MTMR2: variants seen among roughly 807,000 people sequenced by gnomAD.
MTMR2 encodes the protein phosphatidylinositol-3,5-bisphosphate 3-phosphatase MTMR2.
Under a neutral mutation model 86.9 loss-of-function variants are expected in MTMR2, and 55 were observed. That is an observed-to-expected ratio of 0.63 (90% CI 0.51 to 0.79). The LOEUF (loss-of-function observed/expected upper bound fraction) is 0.79. MTMR2 is among the 30% of genes least tolerant of loss of function. The pLI is 0.00. For synonymous variants in MTMR2, 241 were observed against 266.8 expected, an observed-to-expected ratio of 0.90 and a Z score of 0.94; for missense variants, 659 against 772.3, an observed-to-expected ratio of 0.85 and a Z score of 1.74.
At chr11:95,899,557 C>A (rs2508714) in intron 1 of MTMR2, among the ~76,000 whole-genome samples, 152,130 of 152,130 alleles carry the variant, frequency 1, 76,065 homozygotes, top group Non-Finnish European at 1. Context: ...ATATGCTCCC[C>A]AATTATAGCC....
intron 1 of MTMR2, among the ~76,000 whole-genome samples, chr11:95,910,835 A>G (rs1354172820): frequency 6.6e-6 from 1 of 152,082 alleles, no homozygotes; most frequent in East Asian, 1.9e-4. Context: ...CTATAGTATC[A>G]TAAGCACTGT....
chr11:95,857,507 A>T, intron 7 of MTMR2, 45 bp downstream of exon 7: 1 of 1,411,648 alleles, frequency 7.1e-7, no homozygotes, highest in Non-Finnish European at 1.0e-6. Flanking sequence ...CTTTGGAATG[A>T]AAAGAATACA....
intron 2 of MTMR2, among the ~76,000 whole-genome samples, chr11:95,884,989 T>C (rs1865464925): frequency 6.6e-6 from 1 of 152,244 alleles, no homozygotes; most frequent in South Asian, 2.1e-4. Flanking sequence ...ATCTAACAGC[T>C]ATCTGCTTAT....
intron 2 of MTMR2, among the ~76,000 whole-genome samples, chr11:95,879,212 CGAA>C (rs1054306414): frequency 1.3e-4 from 20 of 151,916 alleles, no homozygotes; most frequent in Middle Eastern, 6.8e-3. Flanking sequence ...GCTGAAACCA[CGAA>C]GAAGAAAGAG....
chr11:95,878,632 G>T (rs1865211369), intron 2 of MTMR2, among the ~76,000 whole-genome samples: 1 of 151,886 alleles, frequency 6.6e-6, no homozygotes, highest in South Asian at 2.1e-4. Flanking sequence ...ATGCTTCCTT[G>T]ACTCTCATAT....
At chr11:95,882,274 C>G (rs966063504) in intron 2 of MTMR2, 1 of 151,418 alleles carries the variant, frequency 6.6e-6, no homozygotes, top group Non-Finnish European at 1.5e-5. Context: ...CCGAGGTGGG[C>G]GGATCATGAG....
chr11:95,883,883 C>A (rs1227792170), intron 2 of MTMR2, among the ~76,000 whole-genome samples: 1 of 152,134 alleles, frequency 6.6e-6, no homozygotes, highest in African/African-American at 2.4e-5. Flanking sequence ...AAAACCTACA[C>A]AATTTAACCT....
intron 2 of MTMR2, among the ~76,000 whole-genome samples, chr11:95,878,089 A>T (rs113617873): frequency 6.6e-6 from 1 of 150,966 alleles, no homozygotes; most frequent in Non-Finnish European, 1.5e-5. Context: ...GGTACGTCAT[A>T]CAAAGGAATA....
chr11:95,879,671 T>C (rs1005914961), intron 2 of MTMR2, among the ~76,000 whole-genome samples: 2 of 152,140 alleles, frequency 1.3e-5, no homozygotes, highest in African/African-American at 4.8e-5. Flanking sequence ...AATGTTCTTC[T>C]GTCCTTGGAT....
chr11:95,833,058 C>T lies in MTMR2; in HGVS notation c.*2232G>A, dbSNP rs1863093601. The stretch of plus-strand genomic sequence containing the variant: ...GATGTCAGAGAAGGCAGTCGTGAAT[C>T]AGATAACTTCCCAAAGGAAGAGATG... On this transcript the variant is annotated 3_prime_UTR_variant, in exon 15 of 15. Transcript: ENST00000346299. The T allele has an allele frequency of 6.6e-6, 1 of 152,220 alleles. No individual in the cohort carries two copies. The highest frequency in any genetic ancestry group is 2.1e-4 in the South Asian group (1 of 4,812). The allele number at this position is 152,220 out of a possible 1,614,324, so 9.4% of individuals were successfully genotyped here.
intron 1 of MTMR2, among the ~76,000 whole-genome samples, chr11:95,911,122 G>C (rs1367001780): frequency 6.6e-6 from 1 of 152,062 alleles, no homozygotes; most frequent in Non-Finnish European, 1.5e-5. Context: ...AGAAATAAGA[G>C]ACAACATGTT....
Position 95,850,729 on chromosome 11 carries a change from C to A in MTMR2, c.675G>T (p.Trp225Cys). ...ATCGTTCATTTATCTTTGTTATTCTCCAGCTTTCATTTGGAATTCCCTACA... is the reference window on the plus strand; with the variant it reads ...ATCGTTCATTTATCTTTGTTATTCTACAGCTTTCATTTGGAATTCCCTACA... Reference protein sequence around the residue: ...YRRQGIPNESWRITKINERYE... With the variant: ...YRRQGIPNESCRITKINERYE... Residue 225 changes from tryptophan to cysteine, a missense_variant, in exon 8 of 15, where the codon TGG (tryptophan) becomes TGT (cysteine). By Grantham distance (215) the Trp-to-Cys change is radical. Around this residue, in one of 3 missense-constraint regions of MTMR2, gnomAD observed 387 missense variants for 526.3 expected, o/e 0.74. Transcript: ENST00000346299. 6.2e-7 allele frequency: 1 copy of A among 1,613,914 alleles called. No individual in the cohort carries two copies. Among genetic ancestry groups the A allele is most frequent in the Non-Finnish European group, 8.5e-7 (1 of 1,179,870 alleles).
Position 95,923,932 on chromosome 11 carries a change from T to A in MTMR2, c.23A>T (p.Glu8Val). Residue 8 changes from glutamate to valine, a missense_variant, in exon 1 of 15, where the codon GAG becomes GTG. Physicochemically the swap from Glu to Val is moderately radical, Grantham distance 121 (BLOSUM62 -2). Around this residue, in one of 3 missense-constraint regions of MTMR2, gnomAD observed 79 missense variants for 54.4 expected, o/e 1.45. Transcript: ENST00000346299. ...CGCCGCCGGCTGGGAGCCAAGACTCTCGCAGCTCGAGCTCTTCTCCATCGC... is the reference window on the plus strand; with the variant it reads ...CGCCGCCGGCTGGGAGCCAAGACTCACGCAGCTCGAGCTCTTCTCCATCGC... Reference protein sequence around the residue: MEKSSSCESLGSQPAAAR... With the variant: MEKSSSCVSLGSQPAAAR... The A allele has an allele frequency of 6.4e-7, 1 of 1,561,280 alleles. No individual in the cohort carries two copies.
chr11:95,870,737 C>CTT (rs1300942795), intron 2 of MTMR2, among the ~76,000 whole-genome samples: 2 of 125,026 alleles, frequency 1.6e-5, no homozygotes, highest in Non-Finnish European at 1.8e-5. Flanking sequence ...TTTTCTTTTT[C>CTT]TTTTTTTTTT....
chr11:95,865,723 T>C, intron 2 of MTMR2, 47 bp from the exon 3 acceptor site: 1 of 1,489,256 alleles, frequency 6.7e-7, no homozygotes, highest in Non-Finnish European at 9.3e-7. Context: ...ATTCAAAGGC[T>C]ACTTTTTCAC....
chr11:95,913,020 CAAA>C (rs1219692856), intron 1 of MTMR2: 2 of 151,586 alleles, frequency 1.3e-5, no homozygotes, highest in Non-Finnish European at 2.9e-5. Context: ...ATCATGGATA[CAAA>C]AAAAAGTTTT....
intron 1 of MTMR2, among the ~76,000 whole-genome samples, chr11:95,892,307 G>T (rs2135558856): frequency 1.3e-5 from 2 of 152,102 alleles, no homozygotes; most frequent in Middle Eastern, 6.8e-3. Flanking sequence ...TTAAGACCTG[G>T]TTTAAAAAAC....
At chr11:95,872,016 G>C (rs1040888817) in intron 2 of MTMR2, among the ~76,000 whole-genome samples, 4 of 152,064 alleles carry the variant, frequency 2.6e-5, no homozygotes, top group African/African-American at 7.2e-5. Context: ...TCTTGTTTTT[G>C]TCAGGTTTGT....
chr11:95,903,543 G>A (rs555109959), intron 1 of MTMR2, among the ~76,000 whole-genome samples: 1 of 152,216 alleles, frequency 6.6e-6, no homozygotes, highest in South Asian at 2.1e-4. Flanking sequence ...ACCTCAACTA[G>A]ACCCTTAATA....
Sources: gnomAD v4.1 joint callset for allele counts (sites outside exome capture counted in the v4.1 genomes callset) on GRCh38, gnomAD v4.1.1 for gene constraint, gnomAD v4.1.1 regional missense constraint, MANE v1.5 for transcripts, NCBI Gene and HGNC (gene_info 2026-07-23, HGNC 2026-07-21) for gene names.